The following ANKRD13C variants were observed in gnomAD, a reference collection of about 807,000 sequenced individuals.
ANKRD13C encodes ankyrin repeat domain-containing protein 13C.
In ANKRD13C, 16 loss-of-function variants were observed where a neutral mutation model predicts 65.5. That is an observed-to-expected ratio of 0.24 (90% CI 0.17 to 0.37). The LOEUF (loss-of-function observed/expected upper bound fraction) is 0.37. Among genes scored for constraint, ANKRD13C ranks in the 10% least tolerant of loss-of-function variants. The probability of loss-of-function intolerance (pLI) is 1.00; values close to 1 mark genes in which losing one functional copy is unlikely to be tolerated. For missense variants in ANKRD13C, 503 were observed against 655.9 expected (o/e 0.77, Z 2.55); for synonymous variants, 235 against 238.7 (o/e 0.98, Z 0.14).
intron 9 of ANKRD13C, among the ~76,000 whole-genome samples, chr1:70,288,578 T>C (rs1052984623): frequency 2.0e-5 from 3 of 152,144 alleles, no homozygotes; most frequent in African/African-American, 7.2e-5. Flanking sequence ...TATTGATACA[T>C]ACAACTTAGA....
At chr1:70,307,981 C>T (rs1402467029) in intron 5 of ANKRD13C, among the ~76,000 whole-genome samples, 2 of 152,032 alleles carry the variant, frequency 1.3e-5, no homozygotes, top group East Asian at 3.9e-4. Flanking sequence ...AAAGAAAAAA[C>T]TTTTTTGAAA....
Position 70,315,534 on chromosome 1 carries a change from A to T in ANKRD13C, c.610T>A (p.Ser204Thr). 6.2e-7 allele frequency: 1 copy of T among 1,609,380 alleles called. No homozygotes were observed. ...CGTTTTTCTTCAACACTTTCCCTGG[A>T]TTGCTGCTTAAGCTTCCTCAAAAGA... Reference protein sequence around the residue: ...TALLRKLKQQSRESVEEKRPR... With the variant: ...TALLRKLKQQTRESVEEKRPR... The change falls in exon 4 of 13, where the codon TCC (serine) becomes ACC (threonine). Residue 204 changes from serine to threonine, a missense_variant. By Grantham distance (58) the Ser-to-Thr change is moderately conservative. Transcript: ENST00000370944.
At chr1:70,335,265 G>A (rs1438929605) in intron 2 of ANKRD13C, among the ~76,000 whole-genome samples, 1 of 151,782 alleles carries the variant, frequency 6.6e-6, no homozygotes, top group African/African-American at 2.4e-5. Flanking sequence ...AATTAGCCAG[G>A]CGTGGTGGCA....
chr1:70,335,023 A>T (rs1403784887), intron 2 of ANKRD13C, among the ~76,000 whole-genome samples: 1 of 152,170 alleles, frequency 6.6e-6, no homozygotes, highest in African/African-American at 2.4e-5. Context: ...ACAACAACAG[A>T]TGTTCATAAT....
chr1:70,349,411 A>C (rs945348283), intron 1 of ANKRD13C, among the ~76,000 whole-genome samples: 12 of 152,182 alleles, frequency 7.9e-5, no homozygotes, highest in African/African-American at 2.9e-4. Flanking sequence ...CAACATATAC[A>C]TGATTTTATA....
At chr1:70,309,859 AAAG>A (rs1479589984) in intron 5 of ANKRD13C, among the ~76,000 whole-genome samples, 1 of 152,034 alleles carries the variant, frequency 6.6e-6, no homozygotes, top group Admixed American at 6.5e-5. Flanking sequence ...TGCAAAATTT[AAAG>A]TAGTGATCAT....
At chr1:70,271,028 A>C in intron 11 of ANKRD13C, 72 bp from the exon 12 acceptor site, 1 of 917,422 alleles carries the variant, frequency 1.1e-6, no homozygotes, top group East Asian at 2.6e-5. Context: ...TTTCAACTAC[A>C]TGCTTCAAAC....
chr1:70,325,689 T>G (rs1363689604), intron 2 of ANKRD13C, among the ~76,000 whole-genome samples: 1 of 151,574 alleles, frequency 6.6e-6, no homozygotes, highest in Non-Finnish European at 1.5e-5. Context: ...CCATCCTGGC[T>G]AACATGGTGA....
intron 9 of ANKRD13C, among the ~76,000 whole-genome samples, chr1:70,287,924 T>G (rs1394767065): frequency 6.6e-6 from 1 of 151,880 alleles, no homozygotes; most frequent in African/African-American, 2.4e-5. Flanking sequence ...GGAGACTGAG[T>G]GGGAGGATTA....
Position 70,264,475 on chromosome 1 carries a change from CAA to C in ANKRD13C, c.1496-1630_1496-1629del, listed in dbSNP as rs57312096. 4.7e-3 allele frequency among the ~76,000 whole-genome samples: 229 copies of C among 48,928 alleles called. No individual in the cohort carries two copies. In the South Asian group the frequency reaches 0.048, roughly 10 times the overall value. 32.1% of individuals were successfully genotyped at this position (48,928 alleles called of 152,430 possible). A position where few individuals can be genotyped will look rare whatever the true frequency, so the allele number is the denominator to read the frequency against. On this transcript the variant is annotated intron_variant, in intron 12 of 12. Transcript: ENST00000370944. ...TGGGGAACAGAGCAAGACTCTATCT[CAA>C]AAAAAAAAAAAAAAAAAAAAAAAAA...
chr1:70,262,713 T>C lies in ANKRD13C; in HGVS notation c.*4A>G. The C allele has an allele frequency of 6.2e-7, 1 of 1,611,164 alleles. No homozygotes were observed. Among genetic ancestry groups the C allele is most frequent in the Non-Finnish European group, 8.5e-7 (1 of 1,178,230 alleles). ...TGGTTAGACGGCATCCTTTTCCACG[T>C]CAGTTAAAGATCAGGAAAACGGCTT... On this transcript the variant is annotated 3_prime_UTR_variant, in exon 13 of 13. Transcript: ENST00000370944.
At position 70,262,346 on chromosome 1, in the gene ANKRD13C, G is replaced by A. The variant is rs1678419863; in HGVS notation, c.*371C>T. ...CATTTAATTTACGTTAATGGTCCAG[G>A]AGTGTTTTAGATATAGATATAGATA... is the stretch of plus-strand genomic sequence containing the variant. On this transcript the variant is annotated 3_prime_UTR_variant, in exon 13 of 13. Coordinates refer to ENST00000370944, the MANE Select transcript of ANKRD13C (RefSeq NM_030816.5). The A allele has an allele frequency of 6.5e-6, 1 of 153,766 alleles. No individual in the cohort carries two copies. The highest frequency in any genetic ancestry group is 2.4e-5 in the African/African-American group (1 of 41,434). The allele number at this position is 153,766 out of a possible 1,614,324, so 9.5% of individuals were successfully genotyped here.
intron 4 of ANKRD13C, among the ~76,000 whole-genome samples, chr1:70,314,127 A>T (rs1305141057): frequency 6.6e-6 from 1 of 152,084 alleles, no homozygotes; most frequent in Non-Finnish European, 1.5e-5. Context: ...GGCATTTAAA[A>T]AATGGCCCAT....
chr1:70,312,137 G>A (rs1444613419), intron 5 of ANKRD13C, among the ~76,000 whole-genome samples: 1 of 152,106 alleles, frequency 6.6e-6, no homozygotes, highest in African/African-American at 2.4e-5. Context: ...AAGTATAATT[G>A]TTAATTAAAG....
chr1:70,293,780 T>A (rs1408427218), intron 8 of ANKRD13C, among the ~76,000 whole-genome samples: 2 of 152,208 alleles, frequency 1.3e-5, no homozygotes, highest in Non-Finnish European at 2.9e-5. Flanking sequence ...GGCTGGGAAA[T>A]AACCAGGTGG....
intron 3 of ANKRD13C, 65 bp downstream of exon 3, chr1:70,324,788 T>C: frequency 2.6e-6 from 3 of 1,171,592 alleles, no homozygotes; most frequent in South Asian, 1.7e-5. Context: ...GAATGAAGAA[T>C]ATTTCAAATG....
At chr1:70,304,128 A>G (rs1680492120) in intron 6 of ANKRD13C, among the ~76,000 whole-genome samples, 1 of 152,250 alleles carries the variant, frequency 6.6e-6, no homozygotes, top group African/African-American at 2.4e-5. Context: ...TGTAGCCTCA[A>G]GCTCCTGGGC....
intron 6 of ANKRD13C, chr1:70,305,793 T>A (rs1158040940): frequency 6.6e-6 from 1 of 152,244 alleles, no homozygotes; most frequent in Non-Finnish European, 1.5e-5. Context: ...ATACACGGAT[T>A]AGTAAACAGG....
At chr1:70,270,817 C>G in intron 12 of ANKRD13C, 39 bp downstream of exon 12, 1 of 1,380,264 alleles carries the variant, frequency 7.2e-7, no homozygotes, top group Non-Finnish European at 1.0e-6. Flanking sequence ...CTCCATATTC[C>G]TAATGGACAC....
Sources: gnomAD v4.1 joint callset for allele counts (sites outside exome capture counted in the v4.1 genomes callset) on GRCh38, gnomAD v4.1.1 for gene constraint, MANE v1.5 for transcripts, NCBI Gene and HGNC (gene_info 2026-07-23, HGNC 2026-07-21) for gene names.